The following SLC34A1 variants were observed in gnomAD, a reference collection of about 807,000 sequenced individuals.
The protein encoded by SLC34A1 is solute carrier family 34 member 1.
A neutral mutation model predicts 51.4 loss-of-function variants in SLC34A1; 57 were observed. That is an observed-to-expected ratio of 1.11 (90% CI 0.90 to 1.38). The LOEUF (loss-of-function observed/expected upper bound fraction) is 1.38, where lower values mean the gene tolerates loss of function less well. Ranked by LOEUF, SLC34A1 falls within the 40% of genes most tolerant of loss-of-function variation. The probability of loss-of-function intolerance (pLI) is 0.00; values close to 1 mark genes in which losing one functional copy is unlikely to be tolerated. For synonymous variants in SLC34A1, 368 were observed against 358.0 expected, an observed-to-expected ratio of 1.03 and a Z score of -0.32; for missense variants, 796 against 835.6, an observed-to-expected ratio of 0.95 and a Z score of 0.58.
At position 177,386,467 on chromosome 5, in the gene SLC34A1, A is replaced by C; in HGVS notation, c.433A>C (p.Asn145His). ...DIFKDNAILSNPVAGLVVGIL... is the reference protein window; with the variant it reads ...DIFKDNAILSHPVAGLVVGIL... ...CTTCAAGGATAACGCCATCCTGTCC[A>C]ACCCGGTGGCCGGGCTGGTGGTGGG... Residue 145 changes from asparagine (N) to histidine (H), a missense_variant, in exon 5 of 13, where the codon AAC becomes CAC. Physicochemically the swap from Asn to His is moderately conservative, Grantham distance 68. Transcript: ENST00000324417. This position sits in a 1 kb window ranked among gnomAD's most constrained non-coding sequence, Gnocchi z 4.8. 1.2e-6 allele frequency: 2 copies of C among 1,614,122 alleles called. No individual in the cohort carries two copies. Among genetic ancestry groups the C allele is most frequent in the South Asian group, 2.2e-5 (2 of 91,082 alleles).
Position 177,394,312 on chromosome 5 carries a change from G to A in SLC34A1, c.1174+117G>A, listed in dbSNP as rs7711902. On this transcript the variant is annotated intron_variant, in intron 10 of 12. Transcript: ENST00000324417. ...TACCATCTCTGAGACTCAGTTTCCC[G>A]ATGTGAACAAAGAAGGTGGTTTCTG... The A allele has an allele frequency of 1.7e-3, 2,000 of 1,167,182 alleles. 31 individuals carry two copies. The African/African-American group carries it at 0.027, about 16-fold the overall frequency. The allele number at this position is 1,167,182 out of a possible 1,614,324, so 72.3% of individuals were successfully genotyped here.
At position 177,396,487 on chromosome 5, in the gene SLC34A1, C is replaced by G. The variant is rs533938829; in HGVS notation, c.1175-246C>G. On this transcript the variant is annotated intron_variant, in intron 10 of 12. Coordinates refer to ENST00000324417, the MANE Select transcript of SLC34A1 (RefSeq NM_003052.5). The surrounding 1 kb of genome is among the most constrained non-coding windows in gnomAD (Gnocchi z 4.0). ...CTCTCCCAGTGCCCCCGCGGAGGTC[C>G]TCTCTCCCAGTGCCCCCGCGGAGGT... Among the ~76,000 whole-genome samples the G allele has an allele frequency of 2.0e-5, 2 of 99,632 alleles. No homozygotes were observed. Among genetic ancestry groups the G allele is most frequent in the Admixed American group, 1.0e-4 (1 of 9,954 alleles). 65.4% of individuals were successfully genotyped at this position (99,632 alleles called of 152,430 possible).
chr5:177,390,227 C>G (rs1762755620), intron 8 of SLC34A1: 1 of 992,538 alleles, frequency 1.0e-6, no homozygotes, highest in Non-Finnish European at 1.2e-6. Context: ...AAGTCCAAGG[C>G]CTACCAGATG....
chr5:177,398,362 T>C lies in SLC34A1; in HGVS notation c.*76T>C. ...GCAGGGGAGGGAGGGTGTGTGTAGG[T>C]ATGTGCATGTGCCTGTGCCACCCTG... is the stretch of plus-strand genomic sequence containing the variant. On this transcript the variant is annotated 3_prime_UTR_variant, in exon 13 of 13. Transcript: ENST00000324417. This position sits in a 1 kb window ranked among gnomAD's most constrained non-coding sequence, Gnocchi z 4.7. 1 of 1,543,762 alleles carries C rather than the reference T, an allele frequency of 6.5e-7. No homozygotes were observed. Among genetic ancestry groups the C allele is most frequent in the Non-Finnish European group, 8.8e-7 (1 of 1,131,500 alleles).
chr5:177,392,585 TG>T, intron 8 of SLC34A1, among the ~76,000 whole-genome samples: 1 of 152,176 alleles, frequency 6.6e-6, no homozygotes, highest in Non-Finnish European at 1.5e-5. Flanking sequence ...TAACTCAAAG[TG>T]GTCGCCAATA....
intron 1 of SLC34A1, 32 bp from the exon 2 acceptor site, chr5:177,385,663 T>C: frequency 1.9e-6 from 2 of 1,027,848 alleles, no homozygotes; most frequent in South Asian, 1.3e-5. Context: ...TGTGTGGGCA[T>C]GAGTGTCCCG....
Position 177,394,982 on chromosome 5 carries a change from C to A in SLC34A1, c.1174+787C>A, listed in dbSNP as rs992182117. Among the ~76,000 whole-genome samples the A allele has an allele frequency of 2.6e-5, 4 of 151,990 alleles. No homozygotes were observed. In the East Asian group the frequency reaches 7.8e-4, roughly 29 times the overall value. On this transcript the variant is annotated intron_variant, in intron 10 of 12. Transcript: ENST00000324417. ...TGCTAGGATTACAGGCATGAGCCACCGTGCCCGGCCGAGACTTTTGTCTTT... is the reference window on the plus strand; with the variant it reads ...TGCTAGGATTACAGGCATGAGCCACAGTGCCCGGCCGAGACTTTTGTCTTT...
Position 177,398,162 on chromosome 5 carries a change from G to T in SLC34A1, c.1796G>T (p.Cys599Phe). ...LDHLITRATL[C>F]CARPEPRSPP... is the part of the protein sequence containing the mutation. The stretch of plus-strand genomic sequence containing the variant: ...CACCTCATCACCCGCGCCACCCTAT[G>T]CTGTGCCAGGCCTGAGCCCCGCTCA... The change falls in exon 13 of 13, where the codon TGC becomes TTC. Residue 599 changes from cysteine (C) to phenylalanine (F), a missense_variant. Coordinates refer to ENST00000324417, the MANE Select transcript of SLC34A1 (RefSeq NM_003052.5). This position sits in a 1 kb window ranked among gnomAD's most constrained non-coding sequence, Gnocchi z 4.7. 1 of 1,612,884 alleles carries T rather than the reference G, an allele frequency of 6.2e-7. No homozygotes were observed. Among genetic ancestry groups the T allele is most frequent in the Non-Finnish European group, 8.5e-7 (1 of 1,179,754 alleles).
chr5:177,392,126 A>T (rs1762827034), intron 8 of SLC34A1, among the ~76,000 whole-genome samples: 1 of 152,212 alleles, frequency 6.6e-6, no homozygotes, highest in South Asian at 2.1e-4. Flanking sequence ...AAGGGAGCAC[A>T]TCCCGCTAAA....
rs1353865422 is a variant in SLC34A1 at position 177,396,912 on chromosome 5, G to C, written c.1292-38G>C. ...GGCTGGCAGGGAAAGGGCCGAAGGA[G>C]ACGCTGGGGGTCCCACTTCCTCTCC... On this transcript the variant is annotated intron_variant, in intron 11 of 12. Coordinates refer to ENST00000324417, the MANE Select transcript of SLC34A1 (RefSeq NM_003052.5). The surrounding 1 kb of genome is among the most constrained non-coding windows in gnomAD (Gnocchi z 4.0). The C allele has an allele frequency of 6.2e-7, 1 of 1,614,164 alleles. No homozygotes were observed. Among genetic ancestry groups the C allele is most frequent in the East Asian group, 2.2e-5 (1 of 44,880 alleles).
intron 9 of SLC34A1, 125 bp from the exon 10 acceptor site, chr5:177,393,903 A>G: frequency 6.7e-7 from 1 of 1,496,414 alleles, no homozygotes; most frequent in Non-Finnish European, 9.3e-7. Context: ...GCCTGGGTCA[A>G]GCTCCGGTGT....
Position 177,396,669 on chromosome 5 carries a change from G to A in SLC34A1, c.1175-64G>A, listed in dbSNP as rs1159378871. The A allele has an allele frequency of 2.8e-5, 39 of 1,403,842 alleles. No homozygotes were observed. Among genetic ancestry groups the A allele is most frequent in the Middle Eastern group, 1.8e-4 (1 of 5,642 alleles). 87.0% of individuals were successfully genotyped at this position (1,403,842 alleles called of 1,614,324 possible). On this transcript the variant is annotated intron_variant, in intron 10 of 12. Coordinates refer to ENST00000324417, the MANE Select transcript of SLC34A1 (RefSeq NM_003052.5). This position sits in a 1 kb window ranked among gnomAD's most constrained non-coding sequence, Gnocchi z 4.0. Reference sequence around the variant, plus strand: ...AGGTCCGCTCTCCCAGTGCCCCCGCGGAGGTCTGCTCTCCCAATGTCCCCG... The same window carrying A: ...AGGTCCGCTCTCCCAGTGCCCCCGCAGAGGTCTGCTCTCCCAATGTCCCCG...
intron 5 of SLC34A1, among the ~76,000 whole-genome samples, chr5:177,387,184 C>G (rs1470573994): frequency 6.6e-6 from 1 of 150,932 alleles, no homozygotes; most frequent in Non-Finnish European, 1.5e-5. Flanking sequence ...CCCTGGCTAA[C>G]ACGGTGAAAC....
At chr5:177,392,548 T>TG (rs1424609530) in intron 8 of SLC34A1, among the ~76,000 whole-genome samples, 26 of 152,232 alleles carry the variant, frequency 1.7e-4, no homozygotes, top group African/African-American at 5.5e-4. Flanking sequence ...GGCCTGCTTC[T>TG]GCTGACCTTC....
intron 8 of SLC34A1, chr5:177,389,825 GC>G: frequency 1.3e-6 from 2 of 1,514,538 alleles, no homozygotes; most frequent in South Asian, 2.5e-5. Context: ...CTCTGGGGAG[GC>G]CGCCCTTGGG....
At chr5:177,387,601 C>A (rs936767219) in intron 5 of SLC34A1, among the ~76,000 whole-genome samples, 161 bp from the exon 6 acceptor site, 1 of 152,246 alleles carries the variant, frequency 6.6e-6, no homozygotes. Flanking sequence ...ACGCACAGCC[C>A]GTGCCCACAT....
rs1053201383 is a variant in SLC34A1 at position 177,393,571 on chromosome 5, C to T, written c.937-123C>T. 1.0e-5 allele frequency: 9 copies of T among 885,494 alleles called. No individual in the cohort carries two copies. In the African/African-American group the frequency reaches 1.5e-4, roughly 15 times the overall value. 54.9% of individuals were successfully genotyped at this position (885,494 alleles called of 1,614,324 possible). On this transcript the variant is annotated intron_variant, in intron 8 of 12. Coordinates refer to ENST00000324417, the MANE Select transcript of SLC34A1 (RefSeq NM_003052.5). ...GACAGGCTCAGAGAGGGCAAGAGACCCATCCATGGTCACAGAGCAGGAGGC... is the reference window on the plus strand; with the variant it reads ...GACAGGCTCAGAGAGGGCAAGAGACTCATCCATGGTCACAGAGCAGGAGGC...
At chr5:177,397,103 G>T (rs751327680) in intron 12 of SLC34A1, 29 bp downstream of exon 12, 8 of 1,608,290 alleles carry the variant, frequency 5.0e-6, no homozygotes, top group Non-Finnish European at 6.8e-6. Context: ...CTCGCCTGGG[G>T]CAGGATGGAG....
At chr5:177,389,865 G>A in intron 8 of SLC34A1, 5 of 1,457,088 alleles carry the variant, frequency 3.4e-6, no homozygotes, top group Non-Finnish European at 4.5e-6. Flanking sequence ...GCTGACACTT[G>A]TCCAGCTGGT....
Sources: gnomAD v4.1 joint callset for allele counts (sites outside exome capture counted in the v4.1 genomes callset) on GRCh38, gnomAD v4.1.1 for gene constraint, Gnocchi (gnomAD v3.1) non-coding constraint, MANE v1.5 for transcripts, NCBI Gene and HGNC (gene_info 2026-07-23, HGNC 2026-07-21) for gene names.